AP1G1: variants seen among roughly 807,000 people sequenced by gnomAD.
The protein encoded by AP1G1 is AP-1 complex subunit gamma-1.
AP1G1 carries 7 observed loss-of-function variants against 108.3 expected under a neutral mutation model. That is an observed-to-expected ratio of 0.06 (90% CI 0.04 to 0.12). The LOEUF (loss-of-function observed/expected upper bound fraction) is 0.12. Among genes scored for constraint, AP1G1 ranks in the 10% least tolerant of loss-of-function variants. The pLI is 1.00. For missense variants in AP1G1, 756 were observed against 1,010.7 expected (o/e 0.75, Z 3.42); for synonymous variants, 379 against 353.5 (o/e 1.07, Z -0.81).
chr16:71,789,642 C>T (rs1281450786), intron 1 of AP1G1, among the ~76,000 whole-genome samples, 160 bp from the exon 2 acceptor site: 1 of 152,192 alleles, frequency 6.6e-6, no homozygotes, highest in Non-Finnish European at 1.5e-5. Flanking sequence ...TTCCGCAAAG[C>T]TATTACATAC....
intron 1 of AP1G1, among the ~76,000 whole-genome samples, chr16:71,798,722 T>C (rs532371832): frequency 6.6e-6 from 1 of 152,052 alleles, no homozygotes; most frequent in East Asian, 1.9e-4. Context: ...TCTCTGTCTC[T>C]ACTAAAAGTA....
intron 6 of AP1G1, among the ~76,000 whole-genome samples, chr16:71,768,711 C>T (rs1449596362): frequency 3.4e-5 from 5 of 148,638 alleles, no homozygotes; most frequent in Non-Finnish European, 7.4e-5. Context: ...GTCAGGAGAT[C>T]AAGACCATCC....
chr16:71,763,244 G>T (rs947997151), intron 9 of AP1G1, among the ~76,000 whole-genome samples: 1 of 152,210 alleles, frequency 6.6e-6, no homozygotes, highest in African/African-American at 2.4e-5. Flanking sequence ...TGTGAGAGTA[G>T]AGAGTAAAAA....
At chr16:71,773,447 C>T in intron 3 of AP1G1, 85 bp from the exon 4 acceptor site, 1 of 1,305,970 alleles carries the variant, frequency 7.7e-7, no homozygotes, top group Non-Finnish European at 1.0e-6. Flanking sequence ...CAGGATGACT[C>T]AAGATTTCTC....
At chr16:71,736,671 C>T (rs902001305) in intron 21 of AP1G1, among the ~76,000 whole-genome samples, 3 of 150,892 alleles carry the variant, frequency 2.0e-5, no homozygotes, top group Non-Finnish European at 4.4e-5. Context: ...CTGCAAGCTC[C>T]ACCTCCCGGG....
At chr16:71,805,828 C>A (rs2032979406) in intron 1 of AP1G1, among the ~76,000 whole-genome samples, 2 of 152,104 alleles carry the variant, frequency 1.3e-5, no homozygotes, top group African/African-American at 4.8e-5. Flanking sequence ...TGAGCCCAGC[C>A]TGGGCAACAT....
At chr16:71,764,770 A>G (rs760534743) in intron 7 of AP1G1, 44 bp from the exon 8 acceptor site, 12 of 1,254,116 alleles carry the variant, frequency 9.6e-6, no homozygotes, top group Non-Finnish European at 1.3e-5. Context: ...TATGTCTCAC[A>G]CAAAGAAATC....
chr16:71,764,411 T>C lies in AP1G1; in HGVS notation c.857A>G (p.Asn286Ser). The C allele has an allele frequency of 1.2e-6, 2 of 1,610,884 alleles. No homozygotes were observed. The highest frequency in any genetic ancestry group is 1.7e-6 in the Non-Finnish European group (2 of 1,178,398). ...TNTETSKNVG[N>S]AILYETVLTI... ...CAAAACCGTTTCATAAAGAATAGCA[T>C]TTCCTACATTTTTACTAGTCTCAGT... is the stretch of plus-strand genomic sequence containing the variant. Residue 286 changes from asparagine to serine, a missense_variant, in exon 9 of 23, where the codon AAT (asparagine) becomes AGT (serine). Around this residue, in one of 3 missense-constraint regions of AP1G1, gnomAD observed 304 missense variants for 483.6 expected, o/e 0.63. Transcript: ENST00000299980.
At chr16:71,742,183 C>T in intron 19 of AP1G1, 1 of 151,794 alleles carries the variant, frequency 6.6e-6, no homozygotes, top group South Asian at 2.1e-4. Context: ...ACAGTAGGAA[C>T]AAAAAGAAAA....
At chr16:71,761,452 C>A in intron 10 of AP1G1, 60 bp downstream of exon 10, 1 of 1,177,162 alleles carries the variant, frequency 8.5e-7, no homozygotes, top group South Asian at 1.3e-5. Flanking sequence ...TGAGCAGAAT[C>A]GCTCTTAAAA....
rs753761796 is a variant in AP1G1 at position 71,733,100 on chromosome 16, A to T, written c.2427T>A (p.Asp809Glu). Reference protein sequence around the residue: ...TYNHKGSAMQDLAEVNNFPPQ... With the variant: ...TYNHKGSAMQELAEVNNFPPQ... ...GGGGAAAGTTGTTCACCTCTGCTAG[A>T]TCTTGCATTGCTGAGCCCTTGTGAT... Residue 809 changes from aspartate to glutamate, a missense_variant, in exon 23 of 23, where the codon GAT becomes GAA. Asp to Glu is a conservative substitution (Grantham distance 45, BLOSUM62 2). Around this residue, in one of 3 missense-constraint regions of AP1G1, gnomAD observed 95 missense variants for 160.5 expected, o/e 0.59. Coordinates refer to ENST00000299980, the MANE Select transcript of AP1G1 (RefSeq NM_001128.6). The T allele has an allele frequency of 6.2e-7, 1 of 1,614,128 alleles. No individual in the cohort carries two copies. Among genetic ancestry groups the T allele is most frequent in the South Asian group, 1.1e-5 (1 of 91,084 alleles).
intron 1 of AP1G1, among the ~76,000 whole-genome samples, chr16:71,799,941 C>G (rs919118265): frequency 6.6e-6 from 1 of 151,210 alleles, no homozygotes; most frequent in African/African-American, 2.4e-5. Context: ...ATTATATTGG[C>G]TGGGTGCGGT....
intron 4 of AP1G1, among the ~76,000 whole-genome samples, chr16:71,771,940 G>C (rs2031587304): frequency 1.3e-5 from 2 of 152,072 alleles, no homozygotes; most frequent in African/African-American, 4.8e-5. Flanking sequence ...CTAAAGAAAA[G>C]ATGGTTTTAC....
chr16:71,785,857 G>T (rs1443380545), intron 2 of AP1G1, among the ~76,000 whole-genome samples: 1 of 152,042 alleles, frequency 6.6e-6, no homozygotes, highest in Non-Finnish European at 1.5e-5. Context: ...ACTCCAGCCT[G>T]GGCAACAGGG....
intron 2 of AP1G1, among the ~76,000 whole-genome samples, chr16:71,775,949 A>G (rs975668198): frequency 1.3e-5 from 2 of 152,244 alleles, no homozygotes; most frequent in Non-Finnish European, 2.9e-5. Context: ...TCACTTTGAC[A>G]TACTTTATCA....
At chr16:71,758,604 C>A (rs2030925629) in intron 11 of AP1G1, 1 of 609,078 alleles carries the variant, frequency 1.6e-6, no homozygotes, top group Non-Finnish European at 3.0e-6. Flanking sequence ...GCCTCCTTAA[C>A]AACCTAAACT....
intron 18 of AP1G1, 38 bp from the exon 19 acceptor site, chr16:71,745,308 G>T (rs1222208530): frequency 1.4e-5 from 22 of 1,612,682 alleles, no homozygotes; most frequent in African/African-American, 4.0e-5. Context: ...ATTATTATTT[G>T]ATTTGTCTAG....
chr16:71,744,190 G>A (rs1345842493), intron 19 of AP1G1, among the ~76,000 whole-genome samples: 2 of 152,176 alleles, frequency 1.3e-5, no homozygotes, highest in Non-Finnish European at 2.9e-5. Flanking sequence ...GTTGCAGTGA[G>A]TCGAGATCGT....
At chr16:71,792,816 T>C (rs1597085263) in intron 1 of AP1G1, among the ~76,000 whole-genome samples, 1 of 150,422 alleles carries the variant, frequency 6.6e-6, no homozygotes, top group Non-Finnish European at 1.5e-5. Flanking sequence ...ATCGCACCAC[T>C]GCACTCCAGC....
Sources: gnomAD v4.1 joint callset for allele counts (sites outside exome capture counted in the v4.1 genomes callset) on GRCh38, gnomAD v4.1.1 for gene constraint, gnomAD v4.1.1 regional missense constraint, MANE v1.5 for transcripts, NCBI Gene and HGNC (gene_info 2026-07-23, HGNC 2026-07-21) for gene names.